Variants in ERBB4 observed in about 807,000 individuals in gnomAD.
ERBB4 encodes receptor tyrosine-protein kinase erbB-4.
Under a neutral mutation model 158.0 loss-of-function variants are expected in ERBB4, and 42 were observed. The observed-to-expected ratio is 0.27, with a 90% CI of 0.21 to 0.34. The LOEUF (loss-of-function observed/expected upper bound fraction) is 0.34. Among genes scored for constraint, ERBB4 ranks in the 10% least tolerant of loss-of-function variants. The probability of loss-of-function intolerance (pLI) is 1.00; values close to 1 mark genes in which losing one functional copy is unlikely to be tolerated. For missense variants in ERBB4, 1,333 were observed against 1,624.1 expected, an observed-to-expected ratio of 0.82 and a Z score of 3.08; for synonymous variants, 583 against 558.7, an observed-to-expected ratio of 1.04 and a Z score of -0.61.
At chr2:212,124,632 A>G in intron 2 of ERBB4, 120 bp downstream of exon 2, 1 of 1,110,884 alleles carries the variant, frequency 9.0e-7, no homozygotes, top group Non-Finnish European at 1.4e-6. Flanking sequence ...TTTTGCCTAT[A>G]GTCACAGTGC....
chr2:212,116,992 T>C (rs1313591583), intron 2 of ERBB4, among the ~76,000 whole-genome samples: 3 of 152,182 alleles, frequency 2.0e-5, no homozygotes, highest in Non-Finnish European at 4.4e-5. Context: ...GTTCCATGAT[T>C]AGATTTAGTA....
At chr2:211,545,804 C>T (rs750888763) in intron 20 of ERBB4, among the ~76,000 whole-genome samples, 9 of 151,988 alleles carry the variant, frequency 5.9e-5, no homozygotes, top group Non-Finnish European at 8.8e-5. Flanking sequence ...CTTGTCAAGG[C>T]AGGGAGCATT....
chr2:211,803,004 G>T (rs576501336), intron 3 of ERBB4, among the ~76,000 whole-genome samples: 1 of 152,298 alleles, frequency 6.6e-6, no homozygotes, highest in African/African-American at 2.4e-5. Flanking sequence ...TTGAAAAAAA[G>T]TTGGCACATT....
intron 23 of ERBB4, among the ~76,000 whole-genome samples, chr2:211,422,507 A>C (rs1429154413): frequency 2.0e-5 from 3 of 147,224 alleles, no homozygotes; most frequent in Non-Finnish European, 4.5e-5. Flanking sequence ...AAAAAAAAAA[A>C]CTAATGCAAA....
At chr2:211,573,260 T>A (rs1282883021) in intron 19 of ERBB4, among the ~76,000 whole-genome samples, 10 of 152,138 alleles carry the variant, frequency 6.6e-5, no homozygotes. Flanking sequence ...AATGTATTTT[T>A]CCCTAGAGCT....
At chr2:212,374,486 G>A (rs10186519) in intron 1 of ERBB4, among the ~76,000 whole-genome samples, 29,700 of 151,764 alleles carry the variant, frequency 0.2, 3,076 homozygotes, top group South Asian at 0.26. Flanking sequence ...AAAAGCAAAC[G>A]ATGTGTGTGT....
intron 19 of ERBB4, among the ~76,000 whole-genome samples, chr2:211,608,994 C>A (rs1412140071): frequency 6.6e-6 from 1 of 152,010 alleles, no homozygotes; most frequent in Admixed American, 6.6e-5. Context: ...TTGAGAGAAC[C>A]ATTTTACTAA....
intron 20 of ERBB4, among the ~76,000 whole-genome samples, chr2:211,471,246 A>C (rs2064820119): frequency 6.6e-6 from 1 of 152,116 alleles, no homozygotes; most frequent in Non-Finnish European, 1.5e-5. Context: ...AGCTACATTG[A>C]AAGTAGAACC....
chr2:211,953,841 G>C (rs1305603433), intron 2 of ERBB4, among the ~76,000 whole-genome samples: 1 of 149,516 alleles, frequency 6.7e-6, no homozygotes, highest in African/African-American at 2.5e-5. Flanking sequence ...TACCATATTA[G>C]CAATAAGTCC....
chr2:212,055,697 A>C (rs1183014175), intron 2 of ERBB4, among the ~76,000 whole-genome samples: 4 of 152,256 alleles, frequency 2.6e-5, no homozygotes, highest in Non-Finnish European at 5.9e-5. Flanking sequence ...GCAAACTCCA[A>C]AAGACCTGCA....
chr2:211,705,302 C>A lies in ERBB4; in HGVS notation c.1198+16G>T, dbSNP rs1257303379. ...TATATTGTTCATAGCGCAACAGTTGCAGTTTAAAAAATTACCTGTTATCTC... is the reference window on the plus strand; with the variant it reads ...TATATTGTTCATAGCGCAACAGTTGAAGTTTAAAAAATTACCTGTTATCTC... On this transcript the variant is annotated intron_variant, in intron 10 of 27. Coordinates refer to ENST00000342788, the MANE Select transcript of ERBB4 (RefSeq NM_005235.3). The A allele has an allele frequency of 6.5e-6, 10 of 1,548,424 alleles. No individual in the cohort carries two copies. Among genetic ancestry groups the A allele is most frequent in the Non-Finnish European group, 8.9e-6 (10 of 1,120,832 alleles).
intron 15 of ERBB4, among the ~76,000 whole-genome samples, chr2:211,664,367 C>CTG (rs1403467374): frequency 6.7e-6 from 1 of 149,348 alleles, no homozygotes; most frequent in South Asian, 2.1e-4. Context: ...CTGTATGCGT[C>CTG]TGTGTGTGTG....
chr2:212,377,650 G>A (rs10932439), intron 1 of ERBB4, among the ~76,000 whole-genome samples: 85,274 of 151,654 alleles, frequency 0.56, 24,987 homozygotes, highest in African/African-American at 0.7. Flanking sequence ...TGAGTCAATG[G>A]ATGGGTGGTG....
intron 2 of ERBB4, among the ~76,000 whole-genome samples, chr2:211,996,328 C>CA (rs2082199385): frequency 1.3e-5 from 2 of 150,828 alleles, no homozygotes; most frequent in South Asian, 4.2e-4. Flanking sequence ...TTTTATTATT[C>CA]ATTAGTCTTT....
chr2:211,839,152 AAGGAGGAGGAGGAGGAG>A, intron 3 of ERBB4, among the ~76,000 whole-genome samples: 1 of 110,906 alleles, frequency 9.0e-6, no homozygotes, highest in East Asian at 2.6e-4. Flanking sequence ...GGAGAGAGAG[AAGGAGGAGGAGGAGGAG>A]GAGGAGGAGG....
At chr2:212,089,400 T>A (rs1377348566) in intron 2 of ERBB4, among the ~76,000 whole-genome samples, 1 of 152,166 alleles carries the variant, frequency 6.6e-6, no homozygotes, top group East Asian at 1.9e-4. Flanking sequence ...TATCTTCTGA[T>A]ATGATTTGGA....
At chr2:211,629,585 C>G (rs929673663) in intron 17 of ERBB4, among the ~76,000 whole-genome samples, 3 of 152,122 alleles carry the variant, frequency 2.0e-5, no homozygotes, top group Admixed American at 6.6e-5. Flanking sequence ...GCCCGCATTG[C>G]CAAGTCAATC....
At chr2:211,713,706 G>T in intron 7 of ERBB4, 58 bp from the exon 8 acceptor site, 1 of 1,008,000 alleles carries the variant, frequency 9.9e-7, no homozygotes, top group Non-Finnish European at 1.6e-6. Flanking sequence ...CAGCAAACAA[G>T]CTCAAAACAA....
chr2:212,369,937 C>G (rs1306036846), intron 1 of ERBB4, among the ~76,000 whole-genome samples: 2 of 151,900 alleles, frequency 1.3e-5, no homozygotes, highest in African/African-American at 4.8e-5. Flanking sequence ...CATTTCATGT[C>G]TTCAAATGTT....
Sources: gnomAD v4.1 joint callset for allele counts (sites outside exome capture counted in the v4.1 genomes callset) on GRCh38, gnomAD v4.1.1 for gene constraint, MANE v1.5 for transcripts, NCBI Gene and HGNC (gene_info 2026-07-23, HGNC 2026-07-21) for gene names.